Variants in GSG1L observed in about 807,000 individuals in gnomAD.
GSG1L encodes the protein GSG1 like.
In GSG1L, 24 loss-of-function variants were observed where a neutral mutation model predicts 42.1. The ratio of observed to expected loss-of-function variants is 0.57; its 90% CI spans 0.41 to 0.80. GSG1L has a LOEUF of 0.80. GSG1L is among the 30% of genes least tolerant of loss of function. The probability of loss-of-function intolerance (pLI) is 0.00; values close to 1 mark genes in which losing one functional copy is unlikely to be tolerated. For synonymous variants in GSG1L, 215 were observed against 203.5 expected, an observed-to-expected ratio of 1.06 and a Z score of -0.48; for missense variants, 445 against 472.2, an observed-to-expected ratio of 0.94 and a Z score of 0.53.
At chr16:28,007,020 A>G (rs2085648201) in intron 1 of GSG1L, among the ~76,000 whole-genome samples, 1 of 152,126 alleles carries the variant, frequency 6.6e-6, no homozygotes. Context: ...AGGGAGCCCC[A>G]GGCTCCACCC....
intron 1 of GSG1L, among the ~76,000 whole-genome samples, chr16:28,058,534 C>T (rs145016884): frequency 5.5e-5 from 8 of 146,610 alleles, no homozygotes; most frequent in Admixed American, 7.1e-5. Context: ...GAGGCTAAGG[C>T]GGGAGGATGC....
At chr16:28,048,457 T>A (rs1015434127) in intron 1 of GSG1L, among the ~76,000 whole-genome samples, 7 of 152,140 alleles carry the variant, frequency 4.6e-5, no homozygotes, top group Non-Finnish European at 7.4e-5. Context: ...AGACAGAGTC[T>A]CACTATGTTG....
chr16:27,944,340 G>C (rs1486577448), intron 2 of GSG1L, among the ~76,000 whole-genome samples: 3 of 152,080 alleles, frequency 2.0e-5, no homozygotes, highest in Non-Finnish European at 1.5e-5. Context: ...GGAAGGAATG[G>C]GCCGGGTGTG....
At chr16:27,986,366 G>A (rs919240186) in intron 1 of GSG1L, among the ~76,000 whole-genome samples, 1 of 152,106 alleles carries the variant, frequency 6.6e-6, no homozygotes, top group Non-Finnish European at 1.5e-5. Flanking sequence ...TGGACGTGGT[G>A]GTGTGCACCT....
At chr16:27,819,006 T>C (rs946993015) in intron 5 of GSG1L, among the ~76,000 whole-genome samples, 2 of 152,180 alleles carry the variant, frequency 1.3e-5, no homozygotes, top group Admixed American at 6.5e-5. Context: ...TCCCAGCACT[T>C]TGGGAGGCCG....
intron 1 of GSG1L, among the ~76,000 whole-genome samples, chr16:27,981,882 A>C (rs1047922464): frequency 1.3e-5 from 2 of 152,226 alleles, no homozygotes; most frequent in South Asian, 2.1e-4. Flanking sequence ...ATTTAAACTT[A>C]CAGAGTCCTG....
intron 3 of GSG1L, among the ~76,000 whole-genome samples, chr16:27,879,234 G>T (rs2083922880): frequency 6.6e-6 from 1 of 152,156 alleles, no homozygotes; most frequent in African/African-American, 2.4e-5. Context: ...ATGAATGAAT[G>T]AATTATAAAT....
chr16:27,797,863 A>C (rs1265735851), intron 6 of GSG1L, among the ~76,000 whole-genome samples: 2 of 150,868 alleles, frequency 1.3e-5, no homozygotes, highest in Non-Finnish European at 2.9e-5. Flanking sequence ...AGAGAATGAA[A>C]TCCTGTCTTT....
chr16:28,012,072 C>A (rs1473614455), intron 1 of GSG1L, among the ~76,000 whole-genome samples: 3 of 152,046 alleles, frequency 2.0e-5, no homozygotes, highest in East Asian at 1.9e-4. Context: ...CCTGACACCC[C>A]CAAGCAGGAG....
At chr16:28,006,367 G>T (rs954815493) in intron 1 of GSG1L, among the ~76,000 whole-genome samples, 1 of 151,980 alleles carries the variant, frequency 6.6e-6, no homozygotes, top group South Asian at 2.1e-4. Flanking sequence ...AGAGTGCAGA[G>T]GTGTGATCTC....
intron 6 of GSG1L, among the ~76,000 whole-genome samples, chr16:27,795,026 T>C (rs993011294): frequency 6.6e-6 from 1 of 152,000 alleles, no homozygotes; most frequent in African/African-American, 2.4e-5. Flanking sequence ...CCCGAACTCA[T>C]CACTTTGTGT....
At chr16:27,853,028 A>G (rs1176432383) in intron 3 of GSG1L, among the ~76,000 whole-genome samples, 1 of 152,210 alleles carries the variant, frequency 6.6e-6, no homozygotes, top group Non-Finnish European at 1.5e-5. Context: ...AGCAACCAGG[A>G]GAAGCTGTTG....
rs368243212 is a variant in GSG1L at position 27,844,131 on chromosome 16, G to A, written c.662+819C>T. ...GTGCTTTTCCTTTCCATGAACCAAT[G>A]TATGATATCTCCTTACTTAGACTGA... On this transcript the variant is annotated intron_variant, in intron 4 of 6. Coordinates refer to ENST00000447459, the MANE Select transcript of GSG1L (RefSeq NM_001109763.2). 3.9e-5 allele frequency among the ~76,000 whole-genome samples: 6 copies of A among 152,268 alleles called. No homozygotes were observed. In the East Asian group the frequency reaches 7.7e-4, roughly 20 times the overall value.
intron 1 of GSG1L, among the ~76,000 whole-genome samples, chr16:28,038,557 T>C (rs1250085510): frequency 3.3e-5 from 5 of 151,302 alleles, no homozygotes; most frequent in Non-Finnish European, 7.4e-5. Flanking sequence ...TGCACAGGAG[T>C]GTGGAATTGG....
At chr16:27,978,434 T>C (rs1304099526) in intron 1 of GSG1L, among the ~76,000 whole-genome samples, 1 of 151,196 alleles carries the variant, frequency 6.6e-6, no homozygotes, top group Non-Finnish European at 1.5e-5. Context: ...GGCTCACGCC[T>C]GTAATCCCAG....
chr16:27,811,581 C>T (rs751450873), intron 5 of GSG1L, among the ~76,000 whole-genome samples: 3 of 152,222 alleles, frequency 2.0e-5, no homozygotes, highest in Non-Finnish European at 2.9e-5. Flanking sequence ...CATCCTCCTG[C>T]TTTTCACAGC....
chr16:27,993,066 A>C (rs2085472572), intron 1 of GSG1L, among the ~76,000 whole-genome samples: 1 of 152,104 alleles, frequency 6.6e-6, no homozygotes, highest in African/African-American at 2.4e-5. Context: ...CCCATTTTTG[A>C]ATGGAGAAAC....
At chr16:27,824,862 G>T (rs1327699027) in intron 5 of GSG1L, among the ~76,000 whole-genome samples, 2 of 152,208 alleles carry the variant, frequency 1.3e-5, no homozygotes, top group Admixed American at 6.5e-5. Context: ...AGCAGGGGTG[G>T]CAACTGACCG....
At position 27,803,778 on chromosome 16, in the gene GSG1L, TATATATATATATATATAGATAGATAG is replaced by T. The variant is rs56879595; in HGVS notation, c.898+3683_898+3708del. ...CCCACAGTGCAGACATATATATATA[TATATATATATATATATAGATAGATAG>T]ATATAGATATAGATATAGATATAGA... On this transcript the variant is annotated intron_variant, in intron 6 of 6. Coordinates refer to ENST00000447459, the MANE Select transcript of GSG1L (RefSeq NM_001109763.2). Among the ~76,000 whole-genome samples the T allele has an allele frequency of 4.7e-3, 377 of 80,868 alleles. 5 individuals are homozygous for T. The highest frequency in any genetic ancestry group is 0.02 in the African/African-American group (358 of 17,820). 53.1% of individuals were successfully genotyped at this position (80,868 alleles called of 152,430 possible).
Sources: gnomAD v4.1 joint callset for allele counts (sites outside exome capture counted in the v4.1 genomes callset) on GRCh38, gnomAD v4.1.1 for gene constraint, MANE v1.5 for transcripts, NCBI Gene and HGNC (gene_info 2026-07-23, HGNC 2026-07-21) for gene names.